The following CAST variants were observed in gnomAD, a reference collection of about 807,000 sequenced individuals.
The protein encoded by CAST is MIR583 host.
A neutral mutation model predicts 119.6 loss-of-function variants in CAST; 76 were observed. That is an observed-to-expected ratio of 0.64 (90% CI 0.53 to 0.77). The LOEUF is 0.77. Among genes scored for constraint, CAST ranks in the 30% least tolerant of loss-of-function variants. The probability of loss-of-function intolerance (pLI) is 0.00; values close to 1 mark genes in which losing one functional copy is unlikely to be tolerated. For synonymous variants in CAST, 319 were observed against 331.6 expected (o/e 0.96, Z 0.41); for missense variants, 953 against 946.5 (o/e 1.01, Z -0.09).
chr5:96,448,025 AAAAGAT>A, the CAST span, among the ~76,000 whole-genome samples: 1 of 152,284 alleles, frequency 6.6e-6, no homozygotes, highest in African/African-American at 2.4e-5. Context: ...AAAAAAAAAA[AAAAGAT>A]AAAACCAGGG....
At chr5:96,265,918 T>TA in the CAST span, among the ~76,000 whole-genome samples, 391 of 151,490 alleles carry the variant, frequency 2.6e-3, no homozygotes, top group African/African-American at 9.0e-3. Flanking sequence ...TTTCATTAGT[T>TA]AAAAAAAAAC....
chr5:96,395,182 A>C, the CAST span, among the ~76,000 whole-genome samples: 1 of 152,260 alleles, frequency 6.6e-6, no homozygotes, highest in East Asian at 1.9e-4. Context: ...TGCTATAAAA[A>C]TTGACAATTT....
At chr5:96,555,823 A>T (rs890229360) in intron 1 of CAST, among the ~76,000 whole-genome samples, 11 of 152,224 alleles carry the variant, frequency 7.2e-5, no homozygotes, top group African/African-American at 2.7e-4. Context: ...AACAAAAGGC[A>T]GCAGAAACCT....
chr5:96,504,079 C>G, the CAST span, among the ~76,000 whole-genome samples: 1 of 152,142 alleles, frequency 6.6e-6, no homozygotes, highest in Non-Finnish European at 1.5e-5. Context: ...TGTGCTTTCT[C>G]TGAGGGCCGA....
the CAST span, among the ~76,000 whole-genome samples, chr5:96,443,570 C>T: frequency 3.3e-5 from 5 of 152,110 alleles, no homozygotes; most frequent in Non-Finnish European, 7.3e-5. Context: ...TTGTAATCAC[C>T]GAATTTAAAA....
chr5:96,163,489 T>C, the CAST span, among the ~76,000 whole-genome samples: 1 of 152,244 alleles, frequency 6.6e-6, no homozygotes, highest in Non-Finnish European at 1.5e-5. Flanking sequence ...TATATTCTTA[T>C]GTTCTGATAC....
chr5:96,537,488 A>C (rs537911140), intron 1 of CAST, among the ~76,000 whole-genome samples: 2 of 152,314 alleles, frequency 1.3e-5, no homozygotes, highest in East Asian at 1.9e-4. Context: ...TGAGCCATTG[A>C]TGGCCTTGAG....
At chr5:96,085,995 C>T in the CAST span, among the ~76,000 whole-genome samples, 1 of 152,024 alleles carries the variant, frequency 6.6e-6, no homozygotes, top group Non-Finnish European at 1.5e-5. Context: ...TCCAGGACCT[C>T]CCCTGAAAGA....
chr5:96,380,195 G>T, the CAST span, among the ~76,000 whole-genome samples: 1 of 152,052 alleles, frequency 6.6e-6, no homozygotes, highest in African/African-American at 2.4e-5. Flanking sequence ...TAGATTGATG[G>T]TACAAAAGCT....
the CAST span, among the ~76,000 whole-genome samples, chr5:96,011,100 T>C: frequency 9.2e-5 from 14 of 152,352 alleles, no homozygotes; most frequent in East Asian, 5.8e-4. Context: ...TATTTCTTTC[T>C]CTGGCCTGAT....
chr5:96,324,476 C>T, the CAST span, among the ~76,000 whole-genome samples: 1 of 152,168 alleles, frequency 6.6e-6, no homozygotes, highest in Non-Finnish European at 1.5e-5. Flanking sequence ...TTCTTGCCTA[C>T]TTAGACACAC....
chr5:96,103,225 T>C, the CAST span, among the ~76,000 whole-genome samples: 2 of 152,060 alleles, frequency 1.3e-5, no homozygotes, highest in African/African-American at 4.8e-5. Context: ...ATACTTTAAG[T>C]TTTAGGGTAC....
At chr5:96,118,753 G>A in the CAST span, among the ~76,000 whole-genome samples, 1 of 151,902 alleles carries the variant, frequency 6.6e-6, no homozygotes, top group Admixed American at 6.6e-5. Flanking sequence ...GTTGGGGCTG[G>A]GGAAATTAAC....
the CAST span, among the ~76,000 whole-genome samples, chr5:96,388,851 C>T: frequency 6.6e-6 from 1 of 152,052 alleles, no homozygotes; most frequent in South Asian, 2.1e-4. Context: ...TTATGTACAA[C>T]ACAAACACAC....
chr5:96,766,167 G>T, intron 27 of CAST, 22 bp downstream of exon 27: 2 of 1,347,560 alleles, frequency 1.5e-6, no homozygotes, highest in Non-Finnish European at 2.1e-6. Context: ...CAAATTGCTA[G>T]ATCGGATTTA....
the CAST span, among the ~76,000 whole-genome samples, chr5:96,385,142 C>T: frequency 1.3e-5 from 2 of 152,298 alleles, no homozygotes; most frequent in South Asian, 2.1e-4. Flanking sequence ...GGATGAGCCA[C>T]ACATGAGTTC....
At chr5:96,230,284 A>G in the CAST span, among the ~76,000 whole-genome samples, 2 of 152,100 alleles carry the variant, frequency 1.3e-5, no homozygotes, top group Non-Finnish European at 2.9e-5. Context: ...CTTCTCTCCA[A>G]TCCAGGTTCC....
intron 1 of CAST, among the ~76,000 whole-genome samples, chr5:96,627,356 CAA>C (rs755109377): frequency 5.3e-5 from 8 of 152,178 alleles, no homozygotes; most frequent in Non-Finnish European, 1.2e-4. Flanking sequence ...CAGAGTTTTC[CAA>C]AGAGTCAATT....
chr5:96,035,288 T>G, the CAST span, among the ~76,000 whole-genome samples: 1 of 150,330 alleles, frequency 6.7e-6, no homozygotes, highest in Non-Finnish European at 1.5e-5. Context: ...TAATTAAAAT[T>G]TTTTTAAATA....
Sources: gnomAD v4.1 joint callset for allele counts (sites outside exome capture counted in the v4.1 genomes callset) on GRCh38, gnomAD v4.1.1 for gene constraint, MANE v1.5 for transcripts, NCBI Gene and HGNC (gene_info 2026-07-23, HGNC 2026-07-21) for gene names.